Variants in GRIK3 observed in about 807,000 individuals in gnomAD.
GRIK3 encodes glutamate receptor ionotropic, kainate 3.
A neutral mutation model predicts 102.5 loss-of-function variants in GRIK3; 29 were observed. The observed-to-expected ratio is 0.28, with a 90% CI of 0.21 to 0.39. GRIK3 has a LOEUF of 0.39. Among genes scored for constraint, GRIK3 ranks in the 10% least tolerant of loss-of-function variants. The pLI is 1.00. For missense variants in GRIK3, 908 were observed against 1,252.4 expected (o/e 0.73, Z 4.15); for synonymous variants, 511 against 504.9 (o/e 1.01, Z -0.16).
chr1:36,958,194 GTGTGCCCTGTGAGTC>G (rs1641948491), intron 1 of GRIK3, among the ~76,000 whole-genome samples: 1 of 91,376 alleles, frequency 1.1e-5, no homozygotes, highest in Non-Finnish European at 2.0e-5. Context: ...CCCTGAGTCT[GTGTGCCCTGTGAGTC>G]TGTGCCCCGT....
intron 1 of GRIK3, among the ~76,000 whole-genome samples, chr1:36,901,830 T>C (rs1025971607): frequency 6.6e-6 from 1 of 152,182 alleles, no homozygotes; most frequent in Non-Finnish European, 1.5e-5. Flanking sequence ...TCCACGTGAA[T>C]CAGGAACAAA....
chr1:37,031,028 C>G (rs1387488388), intron 1 of GRIK3, among the ~76,000 whole-genome samples: 1 of 152,120 alleles, frequency 6.6e-6, no homozygotes, highest in Non-Finnish European at 1.5e-5. Flanking sequence ...AAATTCAGGT[C>G]CCCACGGGAG....
At chr1:36,999,188 G>C (rs1271840758) in intron 1 of GRIK3, among the ~76,000 whole-genome samples, 1 of 152,110 alleles carries the variant, frequency 6.6e-6, no homozygotes, top group African/African-American at 2.4e-5. Context: ...GTTACACATG[G>C]AGGGAACCCC....
At chr1:37,003,636 G>A (rs1184547254) in intron 1 of GRIK3, among the ~76,000 whole-genome samples, 1 of 152,134 alleles carries the variant, frequency 6.6e-6, no homozygotes. Context: ...TGGCTTTTCT[G>A]AGCACTGGCT....
At chr1:36,884,876 C>A (rs777692863) in intron 2 of GRIK3, among the ~76,000 whole-genome samples, 5 of 152,212 alleles carry the variant, frequency 3.3e-5, no homozygotes, top group African/African-American at 4.8e-5. Flanking sequence ...GCTACCATTA[C>A]ACGGCCTGGC....
intron 13 of GRIK3, among the ~76,000 whole-genome samples, chr1:36,814,386 C>G (rs530356284): frequency 1.5e-4 from 23 of 152,094 alleles, no homozygotes; most frequent in African/African-American, 5.3e-4. Flanking sequence ...CAGGAGCAGG[C>G]AGGCATGTGT....
At chr1:36,928,070 C>A (rs112473325) in intron 1 of GRIK3, among the ~76,000 whole-genome samples, 6 of 152,238 alleles carry the variant, frequency 3.9e-5, no homozygotes, top group African/African-American at 1.4e-4. Flanking sequence ...GGTTAGGAAG[C>A]CTCTGAGCCA....
intron 1 of GRIK3, among the ~76,000 whole-genome samples, chr1:36,976,223 C>T (rs1026662856): frequency 3.9e-5 from 6 of 152,242 alleles, no homozygotes; most frequent in South Asian, 2.1e-4. Context: ...CCTTGTAAGC[C>T]AACAGGACAG....
In GRIK3 at chr1:36,862,564, G is replaced by A. The variant is rs369758642; in HGVS notation, c.787-2547C>T. On this transcript the variant is annotated intron_variant, in intron 5 of 15. Coordinates refer to ENST00000373091, the MANE Select transcript of GRIK3 (RefSeq NM_000831.4). Reference sequence around the variant, plus strand: ...CGTGACTGAGAAACACACACAGATGGGTCTGGGTTTAGATCAGGATGCCTC... The same window carrying A: ...CGTGACTGAGAAACACACACAGATGAGTCTGGGTTTAGATCAGGATGCCTC... Among the ~76,000 whole-genome samples, 48 of 152,276 alleles carry A rather than the reference G, an allele frequency of 3.2e-4. 2 individuals are homozygous for A. In the South Asian group the frequency reaches 8.9e-3, roughly 28 times the overall value.
chr1:36,925,399 G>C (rs939162627), intron 1 of GRIK3, among the ~76,000 whole-genome samples: 1 of 152,236 alleles, frequency 6.6e-6, no homozygotes, highest in African/African-American at 2.4e-5. Context: ...GAGCCAGTTC[G>C]TGCCCTCGGA....
intron 10 of GRIK3, among the ~76,000 whole-genome samples, chr1:36,834,087 A>C (rs1367142499): frequency 6.6e-6 from 1 of 152,190 alleles, no homozygotes; most frequent in Non-Finnish European, 1.5e-5. Context: ...ATTTATATCT[A>C]TTCCTATGTT....
At chr1:36,857,256 C>T (rs1022165797) in intron 7 of GRIK3, among the ~76,000 whole-genome samples, 2 of 152,136 alleles carry the variant, frequency 1.3e-5, no homozygotes, top group African/African-American at 4.8e-5. Context: ...CTCACAGTGG[C>T]CTCACACAGT....
At chr1:36,893,861 G>T (rs1159807279) in intron 1 of GRIK3, among the ~76,000 whole-genome samples, 4 of 152,130 alleles carry the variant, frequency 2.6e-5, no homozygotes, top group African/African-American at 9.7e-5. Flanking sequence ...GAACAGTGAG[G>T]GTTTCTGGCA....
intron 1 of GRIK3, among the ~76,000 whole-genome samples, chr1:37,022,749 A>G (rs976831637): frequency 1.3e-5 from 2 of 152,244 alleles, no homozygotes; most frequent in African/African-American, 2.4e-5. Context: ...TCAAATGACC[A>G]TATTCACCAT....
intron 1 of GRIK3, among the ~76,000 whole-genome samples, chr1:36,971,616 T>C (rs1642142495): frequency 6.6e-6 from 1 of 152,140 alleles, no homozygotes; most frequent in South Asian, 2.1e-4. Context: ...GGGGAAAGGT[T>C]ATACTTGGAT....
intron 1 of GRIK3, among the ~76,000 whole-genome samples, chr1:36,896,231 G>T (rs1235287251): frequency 1.3e-5 from 2 of 152,128 alleles, no homozygotes; most frequent in South Asian, 4.1e-4. Context: ...TTTAAAAAAT[G>T]TATTTTTCTT....
At chr1:36,912,507 T>A (rs1040869977) in intron 1 of GRIK3, among the ~76,000 whole-genome samples, 11 of 151,970 alleles carry the variant, frequency 7.2e-5, no homozygotes, top group African/African-American at 1.7e-4. Flanking sequence ...CGGTCTCTCT[T>A]CCCTGCTCCC....
chr1:36,976,354 A>G (rs1008023992), intron 1 of GRIK3, among the ~76,000 whole-genome samples: 1 of 150,634 alleles, frequency 6.6e-6, no homozygotes, highest in African/African-American at 2.5e-5. Context: ...GCAACTTATT[A>G]TATGAATGTG....
At chr1:36,973,864 C>G (rs1642169082) in intron 1 of GRIK3, among the ~76,000 whole-genome samples, 1 of 152,196 alleles carries the variant, frequency 6.6e-6, no homozygotes, top group African/African-American at 2.4e-5. Flanking sequence ...GAAGAGCTGT[C>G]ATGGACAGTA....
Sources: allele counts gnomAD v4.1 joint callset (sites outside exome capture counted in the v4.1 genomes callset), GRCh38; gene constraint gnomAD v4.1.1; transcripts MANE v1.5; gene names NCBI Gene and HGNC (gene_info 2026-07-23, HGNC 2026-07-21).